Variants in TNS1 observed in about 807,000 individuals in gnomAD.
TNS1 encodes the protein tensin 1.
Under a neutral mutation model 168.6 loss-of-function variants are expected in TNS1, and 62 were observed. That is an observed-to-expected ratio of 0.37 (90% CI 0.30 to 0.45). The LOEUF is 0.45. TNS1 is among the 20% of genes least tolerant of loss of function. TNS1 has a pLI of 1.00. For missense variants in TNS1, 2,240 were observed against 2,339.4 expected, an observed-to-expected ratio of 0.96 and a Z score of 0.88; for synonymous variants, 934 against 933.2, an observed-to-expected ratio of 1.00 and a Z score of -0.02.
chr2:217,829,742 C>T, intron 22 of TNS1: 1 of 1,388,900 alleles, frequency 7.2e-7, no homozygotes, highest in Non-Finnish European at 1.0e-6. Flanking sequence ...GCCTGAGTCC[C>T]AGTGAGGAAA....
chr2:217,831,501 G>A lies in TNS1; in HGVS notation c.3327C>T (p.Gly1109=), dbSNP rs149139080. Reference sequence around the variant, plus strand: ...TGTCCGCTGGGTTGTGAGGTTTCAGGCCCAGAGCAGACAGGGGTGTCTTGG... The same window carrying A: ...TGTCCGCTGGGTTGTGAGGTTTCAGACCCAGAGCAGACAGGGGTGTCTTGG... ...GLAKTPLSAL[G]LKPHNPADIL... is the part of the protein sequence containing the mutation. The change falls in exon 22 of 33, where the codon GGC becomes GGT. Residue 1109 remains glycine (G), a synonymous_variant. Coordinates refer to ENST00000682258, the MANE Select transcript of TNS1 (RefSeq NM_001387777.1). The A allele has an allele frequency of 1.3e-6, 2 of 1,577,882 alleles. No homozygotes were observed. Among genetic ancestry groups the A allele is most frequent in the Non-Finnish European group, 1.7e-6 (2 of 1,164,134 alleles).
At chr2:217,815,594 T>C (rs1941766222) in intron 24 of TNS1, among the ~76,000 whole-genome samples, 1 of 152,208 alleles carries the variant, frequency 6.6e-6, no homozygotes, top group Non-Finnish European at 1.5e-5. Flanking sequence ...AGCCACCTCC[T>C]GGTGGAGGGC....
At chr2:217,916,904 G>A (rs1341129235) in intron 4 of TNS1, among the ~76,000 whole-genome samples, 1 of 152,198 alleles carries the variant, frequency 6.6e-6, no homozygotes, top group Admixed American at 6.5e-5. Flanking sequence ...ACACCATGAG[G>A]GACAGAGAAT....
chr2:217,885,173 G>T lies in TNS1; in HGVS notation c.1117-9C>A, dbSNP rs1473448156. The T allele has an allele frequency of 1.9e-6, 3 of 1,614,174 alleles. No homozygotes were observed. The highest frequency in any genetic ancestry group is 2.5e-6 in the Non-Finnish European group (3 of 1,180,010). ...TTGTGGTAGCACTTCAGCTGGGTGGGAAGACGGGCAGAACCAGTCAGGGGC... is the reference window on the plus strand; with the variant it reads ...TTGTGGTAGCACTTCAGCTGGGTGGTAAGACGGGCAGAACCAGTCAGGGGC... On this transcript the variant is annotated splice_polypyrimidine_tract_variant and intron_variant, in intron 15 of 32. Transcript: ENST00000682258.
At chr2:218,017,927 T>G (rs975837522) in intron 1 of TNS1, among the ~76,000 whole-genome samples, 3 of 152,052 alleles carry the variant, frequency 2.0e-5, no homozygotes, top group Non-Finnish European at 4.4e-5. Context: ...GAACACACAG[T>G]TCACACCACT....
chr2:217,901,836 A>G (rs1005213039), intron 6 of TNS1: 5 of 152,218 alleles, frequency 3.3e-5, no homozygotes, highest in African/African-American at 9.6e-5. Context: ...ACGAGGCAGG[A>G]TAGGTGGGTT....
At chr2:217,808,168 A>T in intron 31 of TNS1, 61 bp from the exon 32 acceptor site, 1 of 1,589,396 alleles carries the variant, frequency 6.3e-7, no homozygotes, top group Non-Finnish European at 8.6e-7. Flanking sequence ...GCCCAGCCCC[A>T]CCCATGCCCA....
At chr2:218,015,651 C>T (rs932161493) in intron 1 of TNS1, among the ~76,000 whole-genome samples, 97 of 152,278 alleles carry the variant, frequency 6.4e-4, no homozygotes, top group Non-Finnish European at 2.4e-4. Flanking sequence ...CCCACCCCCA[C>T]CCCCCTTTAT....
chr2:217,815,661 T>C (rs1481667592), intron 24 of TNS1, among the ~76,000 whole-genome samples: 1 of 152,176 alleles, frequency 6.6e-6, no homozygotes, highest in Non-Finnish European at 1.5e-5. Flanking sequence ...CGTGTCCCCC[T>C]TTCCCTAGAA....
intron 1 of TNS1, among the ~76,000 whole-genome samples, chr2:218,026,640 A>C (rs1171976879): frequency 1.3e-5 from 2 of 152,202 alleles, no homozygotes; most frequent in African/African-American, 4.8e-5. Context: ...ATCCTTGACC[A>C]AACACTCCGT....
chr2:217,951,545 G>A (rs758173916), intron 3 of TNS1, among the ~76,000 whole-genome samples: 4 of 152,180 alleles, frequency 2.6e-5, no homozygotes, highest in South Asian at 4.1e-4. Context: ...AACTACAGCA[G>A]CTGCAGCAAG....
chr2:217,808,686 T>C lies in TNS1; in HGVS notation c.5274-15A>G, dbSNP rs373085232. 6.2e-7 allele frequency: 1 copy of C among 1,613,548 alleles called. No homozygotes were observed. Among genetic ancestry groups the C allele is most frequent in the Non-Finnish European group, 8.5e-7 (1 of 1,179,580 alleles). ...TGAAAAAGAGCCTGCAGCACAGACA[T>C]CAGATAAACAGAGAATGAGTGCTGA... On this transcript the variant is annotated splice_polypyrimidine_tract_variant and intron_variant, in intron 30 of 32. Coordinates refer to ENST00000682258, the MANE Select transcript of TNS1 (RefSeq NM_001387777.1).
chr2:217,893,492 T>C lies in TNS1; in HGVS notation c.664A>G (p.Met222Val), dbSNP rs370956506. ...GGGTCTGCATTGAGCCATGTGTCCA[T>C]GGCCTTACAGATGCTGCAGATCTTC... ...LEKICSICKA[M>V]DTWLNADPHN... The change falls in exon 10 of 33, where the codon ATG becomes GTG. Residue 222 changes from methionine (M) to valine (V), a missense_variant. By Grantham distance (21) the Met-to-Val change is conservative (BLOSUM62 1). This residue lies in a region of TNS1 where 2,131 missense variants were observed against 2,171.2 expected (regional missense o/e 0.98). Coordinates refer to ENST00000682258, the MANE Select transcript of TNS1 (RefSeq NM_001387777.1). The C allele has an allele frequency of 9.9e-6, 16 of 1,613,584 alleles. No individual in the cohort carries two copies. Among genetic ancestry groups the C allele is most frequent in the Non-Finnish European group, 1.4e-5 (16 of 1,179,756 alleles).
At chr2:217,906,453 T>C (rs1242628631) in intron 5 of TNS1, 68 bp from the exon 6 acceptor site, 1 of 700,536 alleles carries the variant, frequency 1.4e-6, no homozygotes, top group Non-Finnish European at 2.6e-6. Context: ...CCTTGCTGGG[T>C]TTGTCAGGAG....
intron 18 of TNS1, among the ~76,000 whole-genome samples, chr2:217,872,347 T>C (rs1486714801): frequency 6.6e-6 from 1 of 152,186 alleles, no homozygotes; most frequent in Non-Finnish European, 1.5e-5. Flanking sequence ...AATGAATGCT[T>C]ACAACTCAAT....
chr2:217,846,709 A>G (rs57821870), intron 19 of TNS1, among the ~76,000 whole-genome samples: 2,070 of 152,284 alleles, frequency 0.014, 47 homozygotes, highest in African/African-American at 0.047. Context: ...CTCTCCCAAC[A>G]TGGCCCCAGA....
chr2:217,963,744 C>T (rs555671108), intron 3 of TNS1, among the ~76,000 whole-genome samples: 8 of 136,542 alleles, frequency 5.9e-5, no homozygotes, highest in East Asian at 2.1e-4. Context: ...GTACATTTAC[C>T]GAAAAAAAAA....
At chr2:217,912,352 G>A (rs1490090509) in intron 4 of TNS1, among the ~76,000 whole-genome samples, 1 of 152,252 alleles carries the variant, frequency 6.6e-6, no homozygotes, top group African/African-American at 2.4e-5. Context: ...AGCCTCCGGA[G>A]GAACATTCCG....
At chr2:217,853,124 A>G (rs1947721621) in intron 18 of TNS1, among the ~76,000 whole-genome samples, 1 of 152,112 alleles carries the variant, frequency 6.6e-6, no homozygotes, top group Non-Finnish European at 1.5e-5. Flanking sequence ...CACCACGGCC[A>G]CATTAGAGCT....
Sources: gnomAD v4.1 joint callset for allele counts (sites outside exome capture counted in the v4.1 genomes callset) on GRCh38, gnomAD v4.1.1 for gene constraint, gnomAD v4.1.1 regional missense constraint, MANE v1.5 for transcripts, NCBI Gene and HGNC (gene_info 2026-07-23, HGNC 2026-07-21) for gene names.